Variants in FMN2 observed in about 807,000 individuals in gnomAD.
The protein encoded by FMN2 is formin 2, also known as formin-2.
FMN2 carries 51 observed loss-of-function variants against 142.3 expected under a neutral mutation model. The ratio of observed to expected loss-of-function variants is 0.36; its 90% CI spans 0.29 to 0.45. The LOEUF (loss-of-function observed/expected upper bound fraction) is 0.45. Ranked by LOEUF, FMN2 falls within the 20% of genes least tolerant of loss-of-function variation. The pLI is 1.00. For synonymous variants in FMN2, 882 were observed against 869.8 expected, an observed-to-expected ratio of 1.01 and a Z score of -0.25; for missense variants, 1,936 against 2,122.8, an observed-to-expected ratio of 0.91 and a Z score of 1.73.
chr1:240,287,384 A>T (rs1053070842), intron 7 of FMN2, among the ~76,000 whole-genome samples: 1 of 152,174 alleles, frequency 6.6e-6, no homozygotes, highest in Non-Finnish European at 1.5e-5. Flanking sequence ...CTGTATTTTA[A>T]ATGGGGTAAA....
chr1:240,144,667 C>T, intron 2 of FMN2: 1 of 1,292,818 alleles, frequency 7.7e-7, no homozygotes, highest in Non-Finnish European at 1.1e-6. Flanking sequence ...ACACATAATT[C>T]ACACAACTGG....
At chr1:240,266,670 C>A (rs1668818615) in intron 7 of FMN2, among the ~76,000 whole-genome samples, 1 of 152,026 alleles carries the variant, frequency 6.6e-6, no homozygotes, top group South Asian at 2.1e-4. Flanking sequence ...CTGTGATGAA[C>A]ATATGAGTGC....
intron 14 of FMN2, among the ~76,000 whole-genome samples, chr1:240,383,986 G>T (rs2103085557): frequency 6.6e-6 from 1 of 152,004 alleles, no homozygotes; most frequent in Middle Eastern, 3.4e-3. Context: ...GAATAAAATT[G>T]TGTCCTTTAC....
At chr1:240,341,426 T>G (rs1671737792) in intron 13 of FMN2, 1 of 152,148 alleles carries the variant, frequency 6.6e-6, no homozygotes, top group Non-Finnish European at 1.5e-5. Context: ...CAGATTGAAC[T>G]GCTCGTTCTA....
At chr1:240,285,838 G>A (rs1190535692) in intron 7 of FMN2, among the ~76,000 whole-genome samples, 2 of 152,148 alleles carry the variant, frequency 1.3e-5, no homozygotes, top group Non-Finnish European at 1.5e-5. Context: ...AGAAGGTGGG[G>A]ACAACAAGTA....
chr1:240,168,449 C>T (rs1029244593), intron 2 of FMN2, among the ~76,000 whole-genome samples: 7 of 152,018 alleles, frequency 4.6e-5, no homozygotes, highest in Admixed American at 3.3e-4. Flanking sequence ...AAAAGCTAGG[C>T]ATCATGGTAC....
chr1:240,153,484 C>G (rs1200779503), intron 2 of FMN2, among the ~76,000 whole-genome samples: 1 of 149,720 alleles, frequency 6.7e-6, no homozygotes, highest in Admixed American at 6.7e-5. Context: ...CTAAACCTCT[C>G]TAGTAGCTGG....
chr1:240,337,044 T>C (rs1671588911), intron 13 of FMN2, among the ~76,000 whole-genome samples: 1 of 152,102 alleles, frequency 6.6e-6, no homozygotes, highest in South Asian at 2.1e-4. Flanking sequence ...ATCTGCCTCA[T>C]GTCCTTTTTA....
In FMN2 at chr1:240,472,398, G is replaced by T; in HGVS notation, c.5087G>T (p.Arg1696Ile). 1 of 1,612,384 alleles carries T rather than the reference G, an allele frequency of 6.2e-7. No individual in the cohort carries two copies. Among genetic ancestry groups the T allele is most frequent in the Non-Finnish European group, 8.5e-7 (1 of 1,179,430 alleles). Residue 1696 changes from arginine to isoleucine, a missense_variant, in exon 17 of 18, where the codon AGA (arginine) becomes ATA (isoleucine). Physicochemically the swap from Arg to Ile is moderately conservative, Grantham distance 97. This residue lies in a region of FMN2 where 322 missense variants were observed against 401.6 expected (regional missense o/e 0.80). Transcript: ENST00000319653. ...ERVKEAEEVC[R>I]QKKGKSLYKI... ...GTAAAAGAAGCCGAAGAGGTGTGTA[G>T]ACAGAAGAAAGGAAAATCACTTTAT...
chr1:240,114,278 A>G (rs72764322), intron 1 of FMN2, among the ~76,000 whole-genome samples: 5 of 152,344 alleles, frequency 3.3e-5, no homozygotes, highest in Non-Finnish European at 2.9e-5. Context: ...AAGTTGTTCA[A>G]TATTACCTGG....
intron 2 of FMN2, chr1:240,145,523 T>A: frequency 5.4e-6 from 1 of 185,764 alleles, no homozygotes. Context: ...TTTCTTTTTC[T>A]TTTTCTATTT....
rs1666371373 is a variant in FMN2, at chr1:240,206,899, A to G, written c.2087A>G (p.Gln696Arg). The G allele has an allele frequency of 6.2e-7, 1 of 1,614,208 alleles. No homozygotes were observed. Among genetic ancestry groups the G allele is most frequent in the Non-Finnish European group, 8.5e-7 (1 of 1,180,030 alleles). Residue 696 changes from glutamine (Q) to arginine (R), a missense_variant, in exon 5 of 18, where the codon CAG (glutamine) becomes CGG (arginine). Gln to Arg is a conservative substitution (Grantham distance 43). Around this residue, in one of 8 missense-constraint regions of FMN2, gnomAD observed 478 missense variants for 462.8 expected, o/e 1.03. Transcript: ENST00000319653. ...LRTKIAELERQYPALDTEVAS... is the reference protein window; with the variant it reads ...LRTKIAELERRYPALDTEVAS... ...ACCAAAATAGCTGAACTAGAGAGGC[A>G]GTATCCTGCCCTGGACACAGAGGTG...
At chr1:240,143,478 C>G (rs879080716) in intron 2 of FMN2, 1 of 1,541,258 alleles carries the variant, frequency 6.5e-7, no homozygotes, top group South Asian at 1.1e-5. Context: ...TGTCCTTGTC[C>G]TTCTTTTCCT....
chr1:240,416,816 T>G (rs1281333418), intron 15 of FMN2, among the ~76,000 whole-genome samples: 2 of 152,056 alleles, frequency 1.3e-5, no homozygotes, highest in African/African-American at 2.4e-5. Flanking sequence ...TTTCTGCTCT[T>G]TAATATTCTC....
rs557532800 is a variant in FMN2 at position 240,352,876 on chromosome 1, A to G, written c.4766-2940A>G. 2.6e-5 allele frequency among the ~76,000 whole-genome samples: 4 copies of G among 152,316 alleles called. No individual in the cohort carries two copies. The South Asian group carries it at 8.3e-4, about 32-fold the overall frequency. Reference sequence around the variant, plus strand: ...TGATACAGCCCACAGGAAGTTGACTACGGATGTCTTGTCATCTGACCCATC... The same window carrying G: ...TGATACAGCCCACAGGAAGTTGACTGCGGATGTCTTGTCATCTGACCCATC... On this transcript the variant is annotated intron_variant, in intron 13 of 17. Transcript: ENST00000319653.
intron 6 of FMN2, among the ~76,000 whole-genome samples, chr1:240,247,769 T>C (rs938901068): frequency 2.0e-5 from 3 of 152,190 alleles, no homozygotes; most frequent in African/African-American, 7.2e-5. Context: ...TTCTGATTAG[T>C]AGGTTTGTGA....
At chr1:240,202,035 A>G (rs1666144635) in intron 4 of FMN2, among the ~76,000 whole-genome samples, 1 of 152,212 alleles carries the variant, frequency 6.6e-6, no homozygotes, top group South Asian at 2.1e-4. Context: ...CTTAACTGCT[A>G]ACAGAGCAGT....
chr1:240,258,177 C>T (rs1668514260), intron 7 of FMN2, 145 bp downstream of exon 7: 1 of 611,392 alleles, frequency 1.6e-6, no homozygotes. Flanking sequence ...CAAGCTATCT[C>T]CCATGATTGT....
intron 7 of FMN2, among the ~76,000 whole-genome samples, chr1:240,270,857 G>A (rs10926194): frequency 0.27 from 41,613 of 151,582 alleles, 5,882 homozygotes; most frequent in Middle Eastern, 0.35. Flanking sequence ...GATGGGGAAA[G>A]GGGAGACTTG....
Sources: allele counts gnomAD v4.1 joint callset (sites outside exome capture counted in the v4.1 genomes callset), GRCh38; gene constraint gnomAD v4.1.1; regional missense constraint gnomAD v4.1.1; transcripts MANE v1.5; gene names NCBI Gene and HGNC (gene_info 2026-07-23, HGNC 2026-07-21).